NSD2: variants seen among roughly 807,000 people sequenced by gnomAD.
NSD2 encodes nuclear receptor binding SET domain protein 2, also known as histone-lysine N-methyltransferase NSD2.
Under a neutral mutation model 139.0 loss-of-function variants are expected in NSD2, and 12 were observed. The observed-to-expected ratio is 0.09, with a 90% CI of 0.06 to 0.14. NSD2 has a LOEUF of 0.14. Among genes scored for constraint, NSD2 ranks in the 10% least tolerant of loss-of-function variants. The pLI is 1.00. For missense variants in NSD2, 1,155 were observed against 1,745.0 expected (o/e 0.66, Z 6.02); for synonymous variants, 669 against 648.7 (o/e 1.03, Z -0.48).
chr4:1,937,512 A>C (rs527869987), intron 7 of NSD2, among the ~76,000 whole-genome samples: 4 of 152,176 alleles, frequency 2.6e-5, no homozygotes, highest in African/African-American at 7.2e-5. Flanking sequence ...ATTAGCTCCT[A>C]TCTCAGGAGA....
intron 18 of NSD2, among the ~76,000 whole-genome samples, chr4:1,966,299 A>G (rs1725876165): frequency 6.6e-6 from 1 of 152,226 alleles, no homozygotes; most frequent in South Asian, 2.1e-4. Context: ...ATGGTCAGCT[A>G]TAAAAGTTTG....
At chr4:1,957,319 T>G (rs898467003) in intron 15 of NSD2, among the ~76,000 whole-genome samples, 3 of 151,658 alleles carry the variant, frequency 2.0e-5, no homozygotes, top group African/African-American at 7.3e-5. Context: ...AGTCTTGCTC[T>G]GTTGCCCAGG....
At chr4:1,899,363 T>C (rs774930051) in intron 1 of NSD2, 13 of 152,242 alleles carry the variant, frequency 8.5e-5, no homozygotes, top group African/African-American at 1.2e-4. Context: ...TTGCAGGAGA[T>C]GCAGCAGCAT....
chr4:1,949,696 G>A (rs555166174), intron 9 of NSD2, among the ~76,000 whole-genome samples: 12 of 151,800 alleles, frequency 7.9e-5, no homozygotes, highest in African/African-American at 2.9e-4. Flanking sequence ...CCCAGGAGGC[G>A]GAGTTTGCAG....
intron 1 of NSD2, among the ~76,000 whole-genome samples, chr4:1,875,753 CA>C (rs1439186389): frequency 7.0e-6 from 1 of 142,268 alleles, no homozygotes. Context: ...AAAAAAAATA[CA>C]AAAAATTAGC....
intron 3 of NSD2, among the ~76,000 whole-genome samples, chr4:1,910,588 G>A (rs1718537449): frequency 6.6e-6 from 1 of 152,096 alleles, no homozygotes; most frequent in Non-Finnish European, 1.5e-5. Context: ...TGTTATGGAA[G>A]GGAATGTTAG....
At chr4:1,891,717 C>A (rs1293247178) in intron 1 of NSD2, among the ~76,000 whole-genome samples, 1 of 151,868 alleles carries the variant, frequency 6.6e-6, no homozygotes, top group Non-Finnish European at 1.5e-5. Context: ...ATTAGCCGGG[C>A]GTGGTGGTCG....
chr4:1,876,933 C>T (rs1171789847), intron 1 of NSD2, among the ~76,000 whole-genome samples: 1 of 151,776 alleles, frequency 6.6e-6, no homozygotes, highest in Admixed American at 6.6e-5. Context: ...GTCAGGAGTT[C>T]GAGACCAGCC....
At chr4:1,957,037 C>T (rs966379492) in intron 15 of NSD2, among the ~76,000 whole-genome samples, 2 of 152,200 alleles carry the variant, frequency 1.3e-5, no homozygotes, top group African/African-American at 4.8e-5. Flanking sequence ...TATGTGTTTG[C>T]TGCGACTGTC....
intron 15 of NSD2, among the ~76,000 whole-genome samples, chr4:1,957,071 G>C (rs1371930622): frequency 3.3e-5 from 5 of 152,198 alleles, no homozygotes; most frequent in Admixed American, 3.3e-4. Context: ...AACTGTGGAT[G>C]CAGGTGTCCT....
chr4:1,880,975 G>GT (rs1311297050), intron 1 of NSD2, among the ~76,000 whole-genome samples: 1 of 152,156 alleles, frequency 6.6e-6, no homozygotes, highest in East Asian at 1.9e-4. Context: ...GGTTTGTTAT[G>GT]TTTAGTAATT....
At chr4:1,874,344 C>T (rs1336125387) in intron 1 of NSD2, among the ~76,000 whole-genome samples, 2 of 152,136 alleles carry the variant, frequency 1.3e-5, no homozygotes, top group African/African-American at 4.8e-5. Flanking sequence ...TGGGTGTGGA[C>T]TACCTGCCAC....
intron 1 of NSD2, among the ~76,000 whole-genome samples, chr4:1,872,135 T>C (rs1713829640): frequency 6.6e-6 from 1 of 151,510 alleles, no homozygotes. Context: ...GCCCGGGCGT[T>C]GGTCAGCGCG....
chr4:1,925,108 T>C (rs1406174002), intron 5 of NSD2, among the ~76,000 whole-genome samples: 5 of 152,370 alleles, frequency 3.3e-5, no homozygotes, highest in African/African-American at 1.2e-4. Flanking sequence ...TTAACTGTTC[T>C]GTAATAAGCA....
At chr4:1,949,989 A>G (rs2108935877) in intron 9 of NSD2, among the ~76,000 whole-genome samples, 1 of 152,336 alleles carries the variant, frequency 6.6e-6, no homozygotes, top group East Asian at 1.9e-4. Flanking sequence ...ATTGGCAAAC[A>G]GCAAGCCGAT....
At chr4:1,881,419 C>T (rs1490045291) in intron 1 of NSD2, among the ~76,000 whole-genome samples, 2 of 152,154 alleles carry the variant, frequency 1.3e-5, no homozygotes, top group East Asian at 3.9e-4. Context: ...CACGCTGCCA[C>T]GCCCGGTTGA....
At chr4:1,926,868 T>G (rs1348431068) in intron 5 of NSD2, among the ~76,000 whole-genome samples, 1 of 152,250 alleles carries the variant, frequency 6.6e-6, no homozygotes, top group African/African-American at 2.4e-5. Context: ...TCTTTTTACA[T>G]GCCTTGGTAT....
chr4:1,942,903 G>A lies in NSD2; in HGVS notation c.1881+3125G>A. On this transcript the variant is annotated intron_variant, in intron 9 of 21. Coordinates refer to ENST00000508803, the MANE Select transcript of NSD2 (RefSeq NM_001042424.3). The surrounding 1 kb of genome is among the most constrained non-coding windows in gnomAD (Gnocchi z 4.0). ...TACTACACTAATTTCCAACATAAGA[G>A]GCAGGAAGAGTTTTGATTCTATCCT... The A allele has an allele frequency of 3.8e-6, 4 of 1,058,324 alleles. No homozygotes were observed. The highest frequency in any genetic ancestry group is 4.6e-6 in the Non-Finnish European group (4 of 875,072). The allele number at this position is 1,058,324 out of a possible 1,614,324, so 65.6% of individuals were successfully genotyped here.
chr4:1,975,126 C>G, intron 19 of NSD2, 122 bp downstream of exon 19: 3 of 1,512,320 alleles, frequency 2.0e-6, no homozygotes, highest in South Asian at 1.2e-5. Flanking sequence ...TGTGGAGTCT[C>G]TTTTGGTTTG....
Sources: allele counts gnomAD v4.1 joint callset (sites outside exome capture counted in the v4.1 genomes callset), GRCh38; gene constraint gnomAD v4.1.1; non-coding constraint Gnocchi (gnomAD v3.1); transcripts MANE v1.5; gene names NCBI Gene and HGNC (gene_info 2026-07-23, HGNC 2026-07-21).